Variants in RGS12 observed in about 807,000 individuals in gnomAD.
RGS12 encodes the protein regulator of G-protein signaling 12.
A neutral mutation model predicts 120.1 loss-of-function variants in RGS12; 66 were observed. The ratio of observed to expected loss-of-function variants is 0.55; its 90% CI spans 0.45 to 0.67. RGS12 has a LOEUF of 0.67. Among genes scored for constraint, RGS12 ranks in the 30% least tolerant of loss-of-function variants. RGS12 has a pLI of 0.00. For missense variants in RGS12, 1,859 were observed against 1,957.7 expected, an observed-to-expected ratio of 0.95 and a Z score of 0.95; for synonymous variants, 827 against 804.7, an observed-to-expected ratio of 1.03 and a Z score of -0.47.
intron 3 of RGS12, among the ~76,000 whole-genome samples, chr4:3,361,298 G>A (rs1194018791): frequency 6.6e-6 from 1 of 152,204 alleles, no homozygotes; most frequent in Non-Finnish European, 1.5e-5. Flanking sequence ...CATTGTGAAC[G>A]GGGTGAGGGC....
chr4:3,427,519 T>G (rs908215899), intron 14 of RGS12, among the ~76,000 whole-genome samples: 2 of 152,212 alleles, frequency 1.3e-5, no homozygotes, highest in African/African-American at 4.8e-5. Flanking sequence ...GTGGATCACC[T>G]GAGGTCAGGA....
chr4:3,378,343 C>A, intron 3 of RGS12: 1 of 152,238 alleles, frequency 6.6e-6, no homozygotes, highest in African/African-American at 2.4e-5. Flanking sequence ...TCCATGACAT[C>A]AGTTTCGGCG....
chr4:3,357,120 C>T (rs1242508992), intron 3 of RGS12, among the ~76,000 whole-genome samples: 2 of 152,002 alleles, frequency 1.3e-5, no homozygotes, highest in African/African-American at 2.4e-5. Context: ...TTGTATTTCC[C>T]TAATGTTTAG....
intron 2 of RGS12, among the ~76,000 whole-genome samples, chr4:3,329,884 A>G (rs917266139): frequency 1.4e-5 from 2 of 145,546 alleles, no homozygotes; most frequent in East Asian, 3.9e-4. Context: ...TTTTAAAACA[A>G]ATTTTCCCTT....
intron 4 of RGS12, among the ~76,000 whole-genome samples, chr4:3,391,477 C>T (rs1450144531): frequency 6.6e-6 from 1 of 152,188 alleles, no homozygotes; most frequent in Non-Finnish European, 1.5e-5. Context: ...GGGCCTGTGC[C>T]TGAGAATTGA....
Position 3,317,787 on chromosome 4 carries a change from G to T in RGS12, c.1617G>T (p.Pro539=). 1.2e-6 allele frequency: 2 copies of T among 1,613,380 alleles called. No individual in the cohort carries two copies. The highest frequency in any genetic ancestry group is 1.7e-6 in the Non-Finnish European group (2 of 1,179,924). ...AGCGFNQRWL[P]VHVLREWQCG... ...GTGGTTTCAACCAGCGCTGGCTCCC[G>T]GTCCACGTGCTCCGGGAGTGGCAGT... The change falls in exon 2 of 18, where the codon CCG becomes CCT. Residue 539 remains proline (P), a synonymous_variant. Transcript: ENST00000336727.
At chr4:3,343,164 T>C (rs2073286) in intron 3 of RGS12, 111 bp downstream of exon 3, 225,646 of 706,770 alleles carry the variant, frequency 0.32, 36,718 homozygotes, top group Middle Eastern at 0.41. Flanking sequence ...CCTCCCCTCC[T>C]CCTCTGTAGT....
chr4:3,325,327 T>C (rs949677966), intron 2 of RGS12, among the ~76,000 whole-genome samples: 74 of 152,356 alleles, frequency 4.9e-4, no homozygotes, highest in African/African-American at 1.7e-3. Flanking sequence ...GGATATGCTA[T>C]GGTTTGATTG....
chr4:3,438,194 A>G (rs1724992153), intron 17 of RGS12, among the ~76,000 whole-genome samples: 1 of 151,978 alleles, frequency 6.6e-6, no homozygotes, highest in Non-Finnish European at 1.5e-5. Flanking sequence ...CTGCCACCCC[A>G]TAGGCGCCTC....
intron 17 of RGS12, chr4:3,431,466 G>A (rs1724295839): frequency 2.0e-6 from 2 of 988,714 alleles, no homozygotes; most frequent in African/African-American, 3.5e-5. Context: ...CCCACCGGCG[G>A]CCCCCGTAGC....
intron 4 of RGS12, chr4:3,407,560 T>A (rs543174768): frequency 6.6e-6 from 1 of 152,428 alleles, no homozygotes; most frequent in African/African-American, 2.4e-5. Context: ...GTGGCTCTTA[T>A]CAGCTCTACC....
At position 3,422,691 on chromosome 4, in the gene RGS12, G is replaced by A. The variant is rs780020964; in HGVS notation, c.3033+121G>A. 572 of 1,198,854 alleles carry A rather than the reference G, an allele frequency of 4.8e-4. 6 individuals are homozygous for A. The highest frequency in any genetic ancestry group is 3.5e-4 in the Admixed American group (15 of 43,188). The allele number at this position is 1,198,854 out of a possible 1,614,324, so 74.3% of individuals were successfully genotyped here. A position where few individuals can be genotyped will look rare whatever the true frequency, so the allele number is the denominator to read the frequency against. ...TGCGCTCCTCATTTCAACAGCGCCT[G>A]GGGCGGAGGCCGGATTATCTGAACT... On this transcript the variant is annotated intron_variant, in intron 11 of 17. Transcript: ENST00000336727.
At chr4:3,315,488 A>G (rs1268251134) in intron 1 of RGS12, among the ~76,000 whole-genome samples, 1 of 152,226 alleles carries the variant, frequency 6.6e-6, no homozygotes, top group African/African-American at 2.4e-5. Flanking sequence ...TCCCCCACAC[A>G]GTATATTCAA....
Position 3,439,562 on chromosome 4 carries a change from GCTGGCCC to G in RGS12, c.4223_4229del (p.Ala1408ValfsTer82). 1 of 1,612,104 alleles carries G rather than the reference GCTGGCCC, an allele frequency of 6.2e-7. No homozygotes were observed. Among genetic ancestry groups the G allele is most frequent in the Non-Finnish European group, 8.5e-7 (1 of 1,179,532 alleles). ...GGATGGTGGCATAGCGGGGGCACAG[GCTGGCCC>G]TGGGAGGTCGCAGGCCAGTGGTGGG... On this transcript the variant is annotated frameshift_variant, in exon 18 of 18. Transcript: ENST00000336727. LOFTEE classifies it low-confidence loss of function (END_TRUNC).
chr4:3,314,268 CTCTA>C (rs1429917547), intron 1 of RGS12: 3 of 152,126 alleles, frequency 2.0e-5, no homozygotes, highest in Admixed American at 6.5e-5. Flanking sequence ...AGCCTTTCCA[CTCTA>C]TCTAGTTCTG....
At chr4:3,358,099 T>C (rs925315123) in intron 3 of RGS12, among the ~76,000 whole-genome samples, 1 of 152,234 alleles carries the variant, frequency 6.6e-6, no homozygotes, top group African/African-American at 2.4e-5. Flanking sequence ...ATTCTTTTTA[T>C]ACTATTGTTA....
At chr4:3,383,452 C>T (rs1560133168) in intron 3 of RGS12, among the ~76,000 whole-genome samples, 1 of 152,028 alleles carries the variant, frequency 6.6e-6, no homozygotes, top group Non-Finnish European at 1.5e-5. Context: ...ACAAAAAATA[C>T]ACAAAGTAGC....
At chr4:3,406,520 T>C (rs964660815) in intron 4 of RGS12, among the ~76,000 whole-genome samples, 1 of 152,178 alleles carries the variant, frequency 6.6e-6, no homozygotes, top group African/African-American at 2.4e-5. Context: ...ACCAGCTTTG[T>C]GTAATGAAGT....
rs535633222 is a variant in RGS12, at chr4:3,367,906, G to T, written c.1999-18510G>T. Among the ~76,000 whole-genome samples, 5 of 152,362 alleles carry T rather than the reference G, an allele frequency of 3.3e-5. No homozygotes were observed. In the East Asian group the frequency reaches 9.7e-4, roughly 29 times the overall value. On this transcript the variant is annotated intron_variant, in intron 3 of 17. Transcript: ENST00000336727. ...AGGCGGACCCCTAGCAGCCTGGGCT[G>T]CTTTGTGGGCTTTGCGAATAAACCA...
Sources: gnomAD v4.1 joint callset for allele counts (sites outside exome capture counted in the v4.1 genomes callset) on GRCh38, gnomAD v4.1.1 for gene constraint, MANE v1.5 for transcripts, NCBI Gene and HGNC (gene_info 2026-07-23, HGNC 2026-07-21) for gene names.